HS3ST4: variants seen among roughly 807,000 people sequenced by gnomAD.
The protein encoded by HS3ST4 is heparan sulfate-glucosamine 3-sulfotransferase 4.
Under a neutral mutation model 29.2 loss-of-function variants are expected in HS3ST4, and 17 were observed. That is an observed-to-expected ratio of 0.58 (90% CI 0.40 to 0.87). The LOEUF is 0.87. Among genes scored for constraint, HS3ST4 ranks in the 40% least tolerant of loss-of-function variants. The probability of loss-of-function intolerance (pLI) is 0.00; values close to 1 mark genes in which losing one functional copy is unlikely to be tolerated. For synonymous variants in HS3ST4, 314 were observed against 285.7 expected, an observed-to-expected ratio of 1.10 and a Z score of -1.00; for missense variants, 627 against 634.5, an observed-to-expected ratio of 0.99 and a Z score of 0.13.
chr16:26,097,486 G>A lies in HS3ST4; in HGVS notation c.735-38126G>A, dbSNP rs1898940416. Reference sequence around the variant, plus strand: ...TGACAAAAACAAGAAATAGGAAAAGGATTCCCTATTTAATAAATAGTGCTG... The same window carrying A: ...TGACAAAAACAAGAAATAGGAAAAGAATTCCCTATTTAATAAATAGTGCTG... On this transcript the variant is annotated intron_variant, in intron 1 of 1. Transcript: ENST00000331351. Among the ~76,000 whole-genome samples, 4 of 152,168 alleles carry A rather than the reference G, an allele frequency of 2.6e-5. No individual in the cohort carries two copies. In the South Asian group the frequency reaches 8.3e-4, roughly 32 times the overall value.
At chr16:26,095,099 T>G (rs920127846) in intron 1 of HS3ST4, among the ~76,000 whole-genome samples, 3 of 151,924 alleles carry the variant, frequency 2.0e-5, no homozygotes, top group Non-Finnish European at 4.4e-5. Flanking sequence ...AATACAGGAG[T>G]GCCCAGATTC....
At chr16:26,058,392 T>C (rs892956656) in intron 1 of HS3ST4, among the ~76,000 whole-genome samples, 2 of 152,164 alleles carry the variant, frequency 1.3e-5, no homozygotes, top group African/African-American at 4.8e-5. Flanking sequence ...TTTGGTTGAC[T>C]TAAATGTGGG....
At chr16:26,085,907 T>TAATAATAATAAC (rs1294102762) in intron 1 of HS3ST4, among the ~76,000 whole-genome samples, 1 of 150,092 alleles carries the variant, frequency 6.7e-6, no homozygotes, top group African/African-American at 2.5e-5. Context: ...ATAATAATAA[T>TAATAATAATAAC]AATAACAATA....
intron 1 of HS3ST4, among the ~76,000 whole-genome samples, chr16:26,105,488 A>G (rs117178652): frequency 3.3e-5 from 5 of 152,342 alleles, no homozygotes; most frequent in Non-Finnish European, 7.4e-5. Flanking sequence ...TACCCCTGTG[A>G]TTCCGAAATA....
intron 1 of HS3ST4, among the ~76,000 whole-genome samples, chr16:26,111,271 G>T (rs1457759700): frequency 6.6e-6 from 1 of 151,914 alleles, no homozygotes; most frequent in African/African-American, 2.4e-5. Context: ...TGTAGAGATG[G>T]GCTCTGTTGT....
At chr16:25,815,964 A>G (rs1473642077) in intron 1 of HS3ST4, among the ~76,000 whole-genome samples, 1 of 152,226 alleles carries the variant, frequency 6.6e-6, no homozygotes, top group African/African-American at 2.4e-5. Context: ...AAATTCATAG[A>G]TAACATAATC....
chr16:26,106,344 G>A (rs1237579281), intron 1 of HS3ST4, among the ~76,000 whole-genome samples: 1 of 152,088 alleles, frequency 6.6e-6, no homozygotes, highest in Non-Finnish European at 1.5e-5. Flanking sequence ...TACGGCCCAA[G>A]GTGACTTCTC....
chr16:25,809,574 A>G (rs769123608), intron 1 of HS3ST4, among the ~76,000 whole-genome samples: 3 of 152,184 alleles, frequency 2.0e-5, no homozygotes, highest in Non-Finnish European at 4.4e-5. Flanking sequence ...GACTGTGTCC[A>G]ATTGATGTAT....
chr16:25,821,011 A>G (rs901144061), intron 1 of HS3ST4, among the ~76,000 whole-genome samples: 1 of 151,644 alleles, frequency 6.6e-6, no homozygotes, highest in Non-Finnish European at 1.5e-5. Context: ...GCTCCTATCA[A>G]TATGTAGATT....
intron 1 of HS3ST4, among the ~76,000 whole-genome samples, chr16:25,851,898 A>G (rs1332485980): frequency 6.6e-6 from 1 of 152,186 alleles, no homozygotes; most frequent in Non-Finnish European, 1.5e-5. Flanking sequence ...GGATCCTGCC[A>G]TGCTATGATA....
At chr16:25,977,429 C>T (rs2141720502) in intron 1 of HS3ST4, among the ~76,000 whole-genome samples, 1 of 152,308 alleles carries the variant, frequency 6.6e-6, no homozygotes, top group East Asian at 1.9e-4. Context: ...ATTCTCATCA[C>T]ACCTATGTCT....
rs1214062622 is a variant in HS3ST4 at position 25,828,248 on chromosome 16, C to CTT, written c.734+135099_734+135100dup. On this transcript the variant is annotated intron_variant, in intron 1 of 1. Coordinates refer to ENST00000331351, the MANE Select transcript of HS3ST4 (RefSeq NM_006040.3). Reference sequence around the variant, plus strand: ...TTTCTTTCTTTCTTTCTTTCTCTTTCTTTCTTTCTTTCTTTCTTTCTTTCT... The same window carrying CTT: ...TTTCTTTCTTTCTTTCTTTCTCTTTCTTTTTCTTTCTTTCTTTCTTTCTTTCT... Among the ~76,000 whole-genome samples, 39 of 60,482 alleles carry CTT rather than the reference C, an allele frequency of 6.4e-4. 1 individual carries two copies. Among genetic ancestry groups the CTT allele is most frequent in the South Asian group, 3.8e-3 (5 of 1,330 alleles). 39.7% of individuals were successfully genotyped at this position (60,482 alleles called of 152,430 possible).
chr16:25,842,155 G>A (rs914077543), intron 1 of HS3ST4, among the ~76,000 whole-genome samples: 24 of 152,212 alleles, frequency 1.6e-4, no homozygotes, highest in African/African-American at 5.5e-4. Flanking sequence ...CAGAGAAGTG[G>A]CTCAGTTGAG....
At chr16:25,699,289 A>C (rs528047580) in intron 1 of HS3ST4, among the ~76,000 whole-genome samples, 1 of 152,194 alleles carries the variant, frequency 6.6e-6, no homozygotes, top group South Asian at 2.1e-4. Context: ...CAGATTTTGT[A>C]ACAGCATGGG....
intron 1 of HS3ST4, among the ~76,000 whole-genome samples, chr16:26,081,641 G>T (rs1029416989): frequency 2.0e-5 from 3 of 152,156 alleles, no homozygotes; most frequent in Non-Finnish European, 4.4e-5. Flanking sequence ...AGCCCTTAAA[G>T]ACCAGGAGAA....
At position 26,006,255 on chromosome 16, in the gene HS3ST4, C is replaced by T. The variant is rs1236270144; in HGVS notation, c.735-129357C>T. On this transcript the variant is annotated intron_variant, in intron 1 of 1. Coordinates refer to ENST00000331351, the MANE Select transcript of HS3ST4 (RefSeq NM_006040.3). ...CAGAGGTTGCAGTGAGGCAGGATTG[C>T]ACCATTGCACTCCAGCCTAGGTGAC... 3.3e-5 allele frequency among the ~76,000 whole-genome samples: 4 copies of T among 123,068 alleles called. No individual in the cohort carries two copies. In the Admixed American group the frequency reaches 4.2e-4, roughly 13 times the overall value. 80.7% of individuals were successfully genotyped at this position (123,068 alleles called of 152,430 possible).
At chr16:25,949,755 T>C (rs59421729) in intron 1 of HS3ST4, among the ~76,000 whole-genome samples, 23,379 of 152,052 alleles carry the variant, frequency 0.15, 1,968 homozygotes, top group African/African-American at 0.17. Context: ...GACAGGGTGA[T>C]TGGTTATCAA....
intron 1 of HS3ST4, among the ~76,000 whole-genome samples, chr16:25,703,319 G>A (rs569206653): frequency 6.6e-6 from 1 of 152,304 alleles, no homozygotes; most frequent in Non-Finnish European, 1.5e-5. Context: ...AATAACAGTC[G>A]CCGTGGGAGT....
At chr16:26,107,572 T>A (rs1463798221) in intron 1 of HS3ST4, among the ~76,000 whole-genome samples, 1 of 152,220 alleles carries the variant, frequency 6.6e-6, no homozygotes, top group Non-Finnish European at 1.5e-5. Context: ...GTCTTCAATG[T>A]CCATTATACC....
Sources: gnomAD v4.1 joint callset for allele counts (sites outside exome capture counted in the v4.1 genomes callset) on GRCh38, gnomAD v4.1.1 for gene constraint, MANE v1.5 for transcripts, NCBI Gene and HGNC (gene_info 2026-07-23, HGNC 2026-07-21) for gene names.